Variants in COA5 observed in about 807,000 individuals in gnomAD.
The protein encoded by COA5 is protein C2orf64.
A neutral mutation model predicts 11.8 loss-of-function variants in COA5; 11 were observed. The observed-to-expected ratio is 0.93, with a 90% CI of 0.59 to 1.54. COA5 has a LOEUF of 1.54. Among genes scored for constraint, COA5 ranks in the 40% most tolerant of loss-of-function variants. COA5 has a pLI of 0.00. For synonymous variants in COA5, 38 were observed against 37.5 expected (o/e 1.01, Z -0.05); for missense variants, 87 against 89.2 (o/e 0.97, Z 0.10).
At position 98,602,201 on chromosome 2, in the gene COA5, C is replaced by G. The variant is rs192486227; in HGVS notation, c.184-1408G>C. 4.6e-5 allele frequency among the ~76,000 whole-genome samples: 7 copies of G among 152,352 alleles called. No homozygotes were observed. In the East Asian group the frequency reaches 1.3e-3, roughly 29 times the overall value. On this transcript the variant is annotated intron_variant, in intron 2 of 2. Coordinates refer to ENST00000328709, the MANE Select transcript of COA5 (RefSeq NM_001008215.3). ...TTCCCATCTCACCTTCAATAAGATG[C>G]ACACTCACTTTAATAGCATACAAAA...
At position 98,608,495 on chromosome 2, in the gene COA5, G is replaced by T; in HGVS notation, c.-90C>A. ...GAGCGAGCGAGGCCCCAGTCTCAGGGGACCGGAAGCCAGCGGCAACAACTT... is the reference window on the plus strand; with the variant it reads ...GAGCGAGCGAGGCCCCAGTCTCAGGTGACCGGAAGCCAGCGGCAACAACTT... On this transcript the variant is annotated 5_prime_UTR_variant, in exon 1 of 3. Transcript: ENST00000328709. 1 of 1,038,414 alleles carries T rather than the reference G, an allele frequency of 9.6e-7. No homozygotes were observed. The highest frequency in any genetic ancestry group is 1.4e-6 in the Non-Finnish European group (1 of 690,908). 64.3% of individuals were successfully genotyped at this position (1,038,414 alleles called of 1,614,324 possible). A position where few individuals can be genotyped will look rare whatever the true frequency, so the allele number is the denominator to read the frequency against.
intron 1 of COA5, chr2:98,604,759 G>GT (rs1700687238): frequency 6.4e-6 from 1 of 155,302 alleles, no homozygotes. Context: ...CGCTCTGCCA[G>GT]TTTTTCCTAT....
chr2:98,604,075 A>T, intron 2 of COA5, 33 bp downstream of exon 2: 1 of 1,528,666 alleles, frequency 6.5e-7, no homozygotes, highest in Non-Finnish European at 9.1e-7. Context: ...GCTAATTTTT[A>T]GCATAGGCTT....
chr2:98,599,624 C>G lies in COA5; in HGVS notation c.*1128G>C, dbSNP rs561607581. The G allele has an allele frequency of 6.6e-6, 1 of 152,258 alleles. No individual in the cohort carries two copies. The highest frequency in any genetic ancestry group is 2.1e-4 in the South Asian group (1 of 4,824). 9.4% of individuals were successfully genotyped at this position (152,258 alleles called of 1,614,324 possible). ...GTACAACGCCCCGATTGCTTTAACT[C>G]CAGTGAACCACGGAGGTATAAAGAC... On this transcript the variant is annotated 3_prime_UTR_variant, in exon 3 of 3. Coordinates refer to ENST00000328709, the MANE Select transcript of COA5 (RefSeq NM_001008215.3).
At chr2:98,608,142 G>A in intron 1 of COA5, 165 bp downstream of exon 1, 1 of 638,420 alleles carries the variant, frequency 1.6e-6, no homozygotes. Context: ...GGGAACTGGG[G>A]CTCCGACAGC....
At position 98,604,147 on chromosome 2, in the gene COA5, G is replaced by A. The variant is rs770537757; in HGVS notation, c.144C>T (p.Asn48=). Reference sequence around the variant, plus strand: ...ACTCAAAAAATGCGTACTTCAAAGAGTTGCAGTATCCTTCCTTCAAACACT... The same window carrying A: ...ACTCAAAAAATGCGTACTTCAAAGAATTGCAGTATCCTTCCTTCAAACACT... ...PRQCLKEGYC[N]SLKYAFFECK... Residue 48 remains asparagine, a synonymous_variant, in exon 2 of 3, where the codon AAC becomes AAT. Coordinates refer to ENST00000328709, the MANE Select transcript of COA5 (RefSeq NM_001008215.3). 6 of 1,613,848 alleles carry A rather than the reference G, an allele frequency of 3.7e-6. No homozygotes were observed. The highest frequency in any genetic ancestry group is 5.1e-6 in the Non-Finnish European group (6 of 1,179,872).
chr2:98,600,678 C>T lies in COA5; in HGVS notation c.*74G>A, dbSNP rs1199505962. ...AACAGATGTAGTAAAAAGTATGTTTCCTGTTTTGGCTTCTTTGTGTTAATG... is the reference window on the plus strand; with the variant it reads ...AACAGATGTAGTAAAAAGTATGTTTTCTGTTTTGGCTTCTTTGTGTTAATG... On this transcript the variant is annotated 3_prime_UTR_variant, in exon 3 of 3. Transcript: ENST00000328709. 1.4e-5 allele frequency: 18 copies of T among 1,299,122 alleles called. No individual in the cohort carries two copies. Among genetic ancestry groups the T allele is most frequent in the Non-Finnish European group, 1.8e-5 (16 of 908,492 alleles). The allele number at this position is 1,299,122 out of a possible 1,614,324, so 80.5% of individuals were successfully genotyped here. A position where few individuals can be genotyped will look rare whatever the true frequency, so the allele number is the denominator to read the frequency against.
At chr2:98,608,167 C>T in intron 1 of COA5, 140 bp downstream of exon 1, 1 of 684,032 alleles carries the variant, frequency 1.5e-6, no homozygotes, top group Non-Finnish European at 2.6e-6. Flanking sequence ...TGGATCTGCG[C>T]ACGTTCAGTG....
chr2:98,608,163 T>TGC (rs1408083997), intron 1 of COA5, 144 bp downstream of exon 1: 1 of 674,616 alleles, frequency 1.5e-6, no homozygotes, highest in Non-Finnish European at 2.7e-6. Flanking sequence ...TCAGTGGATC[T>TGC]GCGCACGTTC....
intron 2 of COA5, among the ~76,000 whole-genome samples, chr2:98,602,099 C>T (rs1431025348): frequency 6.6e-6 from 1 of 152,136 alleles, no homozygotes; most frequent in East Asian, 1.9e-4. Context: ...TAAAGCCATA[C>T]TTTTAAAAAA....
In COA5 at chr2:98,604,080, A is replaced by G. The variant is rs752564254; in HGVS notation, c.183+28T>C. ...CCTCCCTATAGCTAATTTTTAGCAT[A>G]GGCTTTTAAAAATCTTTAACCACTT... On this transcript the variant is annotated intron_variant, in intron 2 of 2. Coordinates refer to ENST00000328709, the MANE Select transcript of COA5 (RefSeq NM_001008215.3). 67 of 1,552,404 alleles carry G rather than the reference A, an allele frequency of 4.3e-5. 2 individuals are homozygous for G. In the South Asian group the frequency reaches 5.2e-4, roughly 12 times the overall value.
chr2:98,604,913 T>C (rs961696735), intron 1 of COA5: 3 of 152,258 alleles, frequency 2.0e-5, no homozygotes, highest in Non-Finnish European at 2.9e-5. Context: ...GTAGCAGGTT[T>C]CCTTCCTCTC....
chr2:98,600,814 A>T (rs1244257641), intron 2 of COA5, 21 bp from the exon 3 acceptor site: 1 of 1,507,092 alleles, frequency 6.6e-7, no homozygotes. Context: ...ATATACAATT[A>T]AATCAAATTT....
At chr2:98,601,930 G>A (rs1700646378) in intron 2 of COA5, among the ~76,000 whole-genome samples, 1 of 152,102 alleles carries the variant, frequency 6.6e-6, no homozygotes, top group African/African-American at 2.4e-5. Flanking sequence ...CCCCGTCCGT[G>A]GAAAGATTGT....
chr2:98,602,806 A>T (rs1375400707), intron 2 of COA5, among the ~76,000 whole-genome samples: 1 of 151,638 alleles, frequency 6.6e-6, no homozygotes, highest in East Asian at 2.0e-4. Context: ...TTGTAAAAAT[A>T]AAAAAAAATC....
In COA5 at chr2:98,600,713, A is replaced by G. The variant is rs2106592180; in HGVS notation, c.*39T>C. 1 of 1,587,558 alleles carries G rather than the reference A, an allele frequency of 6.3e-7. No individual in the cohort carries two copies. Among genetic ancestry groups the G allele is most frequent in the Non-Finnish European group, 8.6e-7 (1 of 1,159,302 alleles). ...CTTCTTTGTGTTAATGACCAGGGAAAATATTTGTTGTTTTCCATGTTGGCT... is the reference window on the plus strand; with the variant it reads ...CTTCTTTGTGTTAATGACCAGGGAAGATATTTGTTGTTTTCCATGTTGGCT... On this transcript the variant is annotated 3_prime_UTR_variant, in exon 3 of 3. Transcript: ENST00000328709.
chr2:98,607,953 A>T (rs1046857139), intron 1 of COA5, among the ~76,000 whole-genome samples: 2 of 152,242 alleles, frequency 1.3e-5, no homozygotes, highest in Non-Finnish European at 2.9e-5. Flanking sequence ...ACTCTCTGGA[A>T]TCATTAATTC....
chr2:98,607,609 C>T (rs1700726278), intron 1 of COA5, among the ~76,000 whole-genome samples: 1 of 152,158 alleles, frequency 6.6e-6, no homozygotes, highest in Non-Finnish European at 1.5e-5. Flanking sequence ...TCTCGTCGGG[C>T]CTCTGCAATT....
chr2:98,608,454 C>G lies in COA5; in HGVS notation c.-49G>C, dbSNP rs1427665786. The G allele has an allele frequency of 2.1e-6, 3 of 1,405,228 alleles. No homozygotes were observed. Among genetic ancestry groups the G allele is most frequent in the African/African-American group, 2.8e-5 (2 of 70,950 alleles). The allele number at this position is 1,405,228 out of a possible 1,614,324, so 87.0% of individuals were successfully genotyped here. On this transcript the variant is annotated 5_prime_UTR_variant, in exon 1 of 3. Transcript: ENST00000328709. Reference sequence around the variant, plus strand: ...GACGCGACTTTCTCCCACCGCAACACTTGCAACCGGGTCGGGAGCGAGCGA... The same window carrying G: ...GACGCGACTTTCTCCCACCGCAACAGTTGCAACCGGGTCGGGAGCGAGCGA...
Sources: gnomAD v4.1 joint callset for allele counts (sites outside exome capture counted in the v4.1 genomes callset) on GRCh38, gnomAD v4.1.1 for gene constraint, MANE v1.5 for transcripts, NCBI Gene and HGNC (gene_info 2026-07-23, HGNC 2026-07-21) for gene names.